The following NALCN variants were observed in gnomAD, a reference collection of about 807,000 sequenced individuals.
The protein encoded by NALCN is sodium leak channel NALCN.
A neutral mutation model predicts 225.3 loss-of-function variants in NALCN; 111 were observed. That is an observed-to-expected ratio of 0.49 (90% CI 0.42 to 0.58). The LOEUF (loss-of-function observed/expected upper bound fraction) is 0.58. NALCN is among the 20% of genes least tolerant of loss of function. The pLI, the probability that NALCN is intolerant of heterozygous loss-of-function variation, is 0.00. For missense variants in NALCN, 1,378 were observed against 2,202.4 expected (o/e 0.63, Z 7.49); for synonymous variants, 764 against 769.0 (o/e 0.99, Z 0.11).
chr13:101,212,088 C>T (rs2040546490), intron 13 of NALCN, among the ~76,000 whole-genome samples: 1 of 152,148 alleles, frequency 6.6e-6, no homozygotes, highest in South Asian at 2.1e-4. Flanking sequence ...TTGCTACTGC[C>T]ATCCTTTGGT....
Position 101,088,613 on chromosome 13 carries a change from T to C in NALCN, c.3489+1050A>G, listed in dbSNP as rs115952244. Among the ~76,000 whole-genome samples, 819 of 152,294 alleles carry C rather than the reference T, an allele frequency of 5.4e-3. 8 individuals carry two copies. Among genetic ancestry groups the C allele is most frequent in the African/African-American group, 0.019 (786 of 41,564 alleles). ...GAGAATTGATTGAATATGTAAAATC[T>C]TAGTACACAGTGTGTGCTCAAAAAC... On this transcript the variant is annotated intron_variant, in intron 30 of 43. Transcript: ENST00000251127.
chr13:101,400,954 T>C (rs1021436459), intron 1 of NALCN, among the ~76,000 whole-genome samples: 1 of 152,192 alleles, frequency 6.6e-6, no homozygotes, highest in Non-Finnish European at 1.5e-5. Context: ...CCTGCCGCCT[T>C]GTGAAGAAGG....
In NALCN at chr13:101,188,169, T is replaced by C. The variant is rs143369659; in HGVS notation, c.1764+3748A>G. On this transcript the variant is annotated intron_variant, in intron 14 of 43. Transcript: ENST00000251127. ...CAGAAAGGGAACTGATAAACAAATA[T>C]GGCATATTCACAGTCCGCGGAGTAC... Among the ~76,000 whole-genome samples the C allele has an allele frequency of 3.8e-3, 582 of 152,274 alleles. 1 individual carries two copies. The highest frequency in any genetic ancestry group is 6.6e-3 in the Non-Finnish European group (451 of 68,014).
In NALCN at chr13:101,059,702, A is replaced by G. The variant is rs2139394978; in HGVS notation, c.4905+116T>C. 4.8e-6 allele frequency: 4 copies of G among 828,508 alleles called. No homozygotes were observed. The East Asian group carries it at 1.1e-4, about 24-fold the overall frequency. 51.3% of individuals were successfully genotyped at this position (828,508 alleles called of 1,614,324 possible). A position where few individuals can be genotyped will look rare whatever the true frequency, so the allele number is the denominator to read the frequency against. ...TTTTTTTTTTAATGAAAATATTCCT[A>G]TTAGAAATATTGTCACCTTGTTTGA... On this transcript the variant is annotated intron_variant, in intron 42 of 43. Transcript: ENST00000251127.
At chr13:101,217,017 A>T (rs998279060) in intron 13 of NALCN, among the ~76,000 whole-genome samples, 5 of 152,192 alleles carry the variant, frequency 3.3e-5, no homozygotes, top group African/African-American at 1.2e-4. Context: ...ACCGCTAAAC[A>T]TATGAGGTCT....
chr13:101,114,437 CTCT>C (rs2035602193), intron 18 of NALCN, among the ~76,000 whole-genome samples: 1 of 152,084 alleles, frequency 6.6e-6, no homozygotes, highest in Admixed American at 6.6e-5. Context: ...CTCTCTCTCT[CTCT>C]CTCTCTCTCT....
At chr13:101,168,055 T>C (rs1033076610) in intron 15 of NALCN, among the ~76,000 whole-genome samples, 3 of 152,152 alleles carry the variant, frequency 2.0e-5, no homozygotes, top group Non-Finnish European at 4.4e-5. Flanking sequence ...CTGAAGTCTT[T>C]GAGATCGTTG....
intron 10 of NALCN, among the ~76,000 whole-genome samples, chr13:101,273,007 CCCT>C (rs1419450203): frequency 6.6e-6 from 1 of 152,228 alleles, no homozygotes; most frequent in Non-Finnish European, 1.5e-5. Flanking sequence ...CCTGTTACCT[CCCT>C]CTGTTCCTCA....
chr13:101,203,319 G>A (rs1008620942), intron 13 of NALCN, among the ~76,000 whole-genome samples: 11 of 152,216 alleles, frequency 7.2e-5, no homozygotes, highest in African/African-American at 2.6e-4. Context: ...AGGTTCAAAC[G>A]ATTCTCCTGC....
At chr13:101,069,928 A>G (rs998192931) in intron 37 of NALCN, among the ~76,000 whole-genome samples, 7 of 152,064 alleles carry the variant, frequency 4.6e-5, no homozygotes, top group Admixed American at 4.6e-4. Context: ...TGCTATTTCT[A>G]CCAACCACAT....
At chr13:101,150,669 T>C (rs572654504) in intron 15 of NALCN, among the ~76,000 whole-genome samples, 1 of 152,350 alleles carries the variant, frequency 6.6e-6, no homozygotes, top group South Asian at 2.1e-4. Flanking sequence ...TCCAAATTCT[T>C]TCCCCTTTTT....
intron 7 of NALCN, among the ~76,000 whole-genome samples, chr13:101,300,341 TTTTC>T (rs1228439060): frequency 1.3e-5 from 2 of 150,424 alleles, no homozygotes; most frequent in African/African-American, 2.4e-5. Flanking sequence ...CCTTCCTTCT[TTTTC>T]TTTTTCTTCT....
intron 10 of NALCN, among the ~76,000 whole-genome samples, chr13:101,275,883 G>T (rs1186801786): frequency 2.6e-5 from 4 of 151,876 alleles, no homozygotes; most frequent in Non-Finnish European, 2.9e-5. Flanking sequence ...GGCCAACGTG[G>T]TGAAACCCCG....
At chr13:101,322,770 T>G in intron 7 of NALCN, among the ~76,000 whole-genome samples, 1 of 152,176 alleles carries the variant, frequency 6.6e-6, no homozygotes. Flanking sequence ...TGAAATTTAG[T>G]GGCATGATCT....
At chr13:101,088,785 T>C (rs1197384219) in intron 30 of NALCN, among the ~76,000 whole-genome samples, 1 of 152,226 alleles carries the variant, frequency 6.6e-6, no homozygotes, top group Admixed American at 6.5e-5. Context: ...GAAACTACAT[T>C]GTTATTTTCC....
chr13:101,326,528 A>G (rs773252852), intron 7 of NALCN, among the ~76,000 whole-genome samples: 17 of 152,320 alleles, frequency 1.1e-4, no homozygotes, highest in South Asian at 1.0e-3. Flanking sequence ...TTTTTGGAAA[A>G]TACAGAGTAT....
chr13:101,273,864 G>A (rs983691818), intron 10 of NALCN, among the ~76,000 whole-genome samples: 5 of 130,442 alleles, frequency 3.8e-5, no homozygotes, highest in Admixed American at 3.7e-4. Flanking sequence ...CAGCCTGGGC[G>A]ACAGAGCAAG....
intron 9 of NALCN, among the ~76,000 whole-genome samples, chr13:101,285,792 G>A (rs1281362671): frequency 2.0e-5 from 3 of 152,124 alleles, no homozygotes; most frequent in African/African-American, 7.2e-5. Context: ...ATAGGACCTT[G>A]TAAAGTTTCT....
chr13:101,150,596 A>T lies in NALCN; in HGVS notation c.1840-5700T>A, dbSNP rs556976520. Reference sequence around the variant, plus strand: ...GTGACCATGATACACAAAGTATTACATGTTATTTTGAAGCCACTATTAAGT... The same window carrying T: ...GTGACCATGATACACAAAGTATTACTTGTTATTTTGAAGCCACTATTAAGT... On this transcript the variant is annotated intron_variant, in intron 15 of 43. Coordinates refer to ENST00000251127, the MANE Select transcript of NALCN (RefSeq NM_052867.4). Among the ~76,000 whole-genome samples, 351 of 152,272 alleles carry T rather than the reference A, an allele frequency of 2.3e-3. 3 individuals carry two copies. Among genetic ancestry groups the T allele is most frequent in the South Asian group, 0.023 (111 of 4,830 alleles).
Sources: allele counts gnomAD v4.1 joint callset (sites outside exome capture counted in the v4.1 genomes callset), GRCh38; gene constraint gnomAD v4.1.1; transcripts MANE v1.5; gene names NCBI Gene and HGNC (gene_info 2026-07-23, HGNC 2026-07-21).